Variants in GAL3ST2 observed in about 807,000 individuals in gnomAD.
The protein encoded by GAL3ST2 is beta-galactose-3-O-sulfotransferase 2.
In GAL3ST2, 16 loss-of-function variants were observed where a neutral mutation model predicts 12.9. That is an observed-to-expected ratio of 1.24 (90% CI 0.84 to 1.88). GAL3ST2 has a LOEUF of 1.88. Ranked by LOEUF, GAL3ST2 falls within the 40% of genes most tolerant of loss-of-function variation. The pLI is 0.00. For missense variants in GAL3ST2, 639 were observed against 571.8 expected, an observed-to-expected ratio of 1.12 and a Z score of -1.20; for synonymous variants, 302 against 273.9, an observed-to-expected ratio of 1.10 and a Z score of -1.01.
intron 1 of GAL3ST2, among the ~76,000 whole-genome samples, chr2:241,781,730 T>A (rs1699569896): frequency 1.3e-5 from 2 of 152,382 alleles, no homozygotes; most frequent in East Asian, 3.9e-4. Flanking sequence ...ATGCTTCCTG[T>A]ATAACTTTTA....
intron 1 of GAL3ST2, among the ~76,000 whole-genome samples, chr2:241,787,474 A>G (rs1391482302): frequency 6.6e-6 from 1 of 151,736 alleles, no homozygotes; most frequent in African/African-American, 2.4e-5. Flanking sequence ...CACCCCCTCC[A>G]GAGACTCCCT....
At chr2:241,797,815 T>G (rs1248017648) in intron 1 of GAL3ST2, among the ~76,000 whole-genome samples, 1 of 152,182 alleles carries the variant, frequency 6.6e-6, no homozygotes, top group Non-Finnish European at 1.5e-5. Flanking sequence ...TGGTTACAAT[T>G]CCTCCTTCCC....
chr2:241,776,997 G>T lies in GAL3ST2; in HGVS notation c.29+13G>T. ...GCGGCTTGCAGAGGTAAGGGGGGCA[G>T]TTGGACCCCCCAGGTGGACAAAGCG... On this transcript the variant is annotated intron_variant, in intron 1 of 3. Coordinates refer to ENST00000192314, the MANE Select transcript of GAL3ST2 (RefSeq NM_022134.3). 2 of 1,521,184 alleles carry T rather than the reference G, an allele frequency of 1.3e-6. No individual in the cohort carries two copies. Among genetic ancestry groups the T allele is most frequent in the South Asian group, 1.3e-5 (1 of 79,146 alleles). 94.2% of individuals were successfully genotyped at this position (1,521,184 alleles called of 1,614,324 possible). A position where few individuals can be genotyped will look rare whatever the true frequency, so the allele number is the denominator to read the frequency against.
intron 1 of GAL3ST2, among the ~76,000 whole-genome samples, chr2:241,798,469 G>A (rs1699801977): frequency 6.6e-6 from 1 of 152,156 alleles, no homozygotes; most frequent in Non-Finnish European, 1.5e-5. Context: ...GCGAGGGTGG[G>A]GAGTGGAAGC....
intron 1 of GAL3ST2, among the ~76,000 whole-genome samples, chr2:241,785,820 C>G (rs921993029): frequency 6.6e-6 from 1 of 151,994 alleles, no homozygotes; most frequent in Non-Finnish European, 1.5e-5. Context: ...AGACAAAAAA[C>G]CCAAAAACAT....
Position 241,803,961 on chromosome 2 carries a change from A to C in GAL3ST2, c.992A>C (p.His331Pro), listed in dbSNP as rs1455726008. 2.0e-6 allele frequency: 3 copies of C among 1,512,708 alleles called. No individual in the cohort carries two copies. In the East Asian group the frequency reaches 8.3e-5, roughly 42 times the overall value. 93.7% of individuals were successfully genotyped at this position (1,512,708 alleles called of 1,614,324 possible). A position where few individuals can be genotyped will look rare whatever the true frequency, so the allele number is the denominator to read the frequency against. The part of the protein sequence containing the change: ...CLQDGGALKN[H>P]TQIRDPRLRP... ...CAGGACGGCGGCGCGCTCAAGAACC[A>C]CACGCAGATCAGAGACCCGCGCCTG... Residue 331 changes from histidine (H) to proline (P), a missense_variant, in exon 4 of 4, where the codon CAC (histidine) becomes CCC (proline). By Grantham distance (77) the His-to-Pro change is moderately conservative. Transcript: ENST00000192314.
rs1180934646 is a variant in GAL3ST2, at chr2:241,803,678, C to T, written c.709C>T (p.Leu237=). The T allele has an allele frequency of 6.5e-7, 1 of 1,546,970 alleles. No homozygotes were observed. Among genetic ancestry groups the T allele is most frequent in the African/African-American group, 1.4e-5 (1 of 72,832 alleles). The change falls in exon 4 of 4, where the codon CTG becomes TTG. Residue 237 remains leucine, a synonymous_variant. Coordinates refer to ENST00000192314, the MANE Select transcript of GAL3ST2 (RefSeq NM_022134.3). ...GCACCTGGACGAGTCCCTGGTGCTG[C>T]TGCGGCGCCGGCTGCGCTGGGCGCT... The part of the protein sequence containing the change: ...AEHLDESLVL[L]RRRLRWALDD...
Position 241,804,235 on chromosome 2 carries a change from G to T in GAL3ST2, c.*69G>T. ...TCTCTCCGCCGTCACCGGGGAGGCC[G>T]GGGATCCTTGCAGGGCTTCTGGGGC... On this transcript the variant is annotated 3_prime_UTR_variant, in exon 4 of 4. Transcript: ENST00000192314. The T allele has an allele frequency of 2.3e-6, 3 of 1,306,630 alleles. No individual in the cohort carries two copies. The highest frequency in any genetic ancestry group is 3.0e-6 in the Non-Finnish European group (3 of 1,001,164). The allele number at this position is 1,306,630 out of a possible 1,614,324, so 80.9% of individuals were successfully genotyped here.
Position 241,801,337 on chromosome 2 carries a change from C to CGT in GAL3ST2, c.120-444_120-443insGT. On this transcript the variant is annotated intron_variant, in intron 2 of 3. Coordinates refer to ENST00000192314, the MANE Select transcript of GAL3ST2 (RefSeq NM_022134.3). The surrounding 1 kb of genome is among the most constrained non-coding windows in gnomAD (Gnocchi z 4.4). ...ACAGTATTCCGTGGTGTAGATGTGC[C>CGT]ACATTTTCTTTACGGTCTCTATGTA... 1 of 165,032 alleles carries CGT rather than the reference C, an allele frequency of 6.1e-6. No individual in the cohort carries two copies. Among genetic ancestry groups the CGT allele is most frequent in the Non-Finnish European group, 1.3e-5 (1 of 77,362 alleles). The allele number at this position is 165,032 out of a possible 1,614,324, so 10.2% of individuals were successfully genotyped here. A position where few individuals can be genotyped will look rare whatever the true frequency, so the allele number is the denominator to read the frequency against.
At position 241,793,810 on chromosome 2, in the gene GAL3ST2, G is replaced by C. The variant is rs1156732438; in HGVS notation, c.30-5255G>C. The stretch of plus-strand genomic sequence containing the variant: ...GTGTGTGTATTGTGTGTGTATGTTT[G>C]TGTGTGTGTTTAATCCTGGAGTGTA... On this transcript the variant is annotated intron_variant, in intron 1 of 3. Coordinates refer to ENST00000192314, the MANE Select transcript of GAL3ST2 (RefSeq NM_022134.3). The surrounding 1 kb of genome is among the most constrained non-coding windows in gnomAD (Gnocchi z 4.7). Among the ~76,000 whole-genome samples, 1 of 152,068 alleles carries C rather than the reference G, an allele frequency of 6.6e-6. No individual in the cohort carries two copies. The highest frequency in any genetic ancestry group is 1.5e-5 in the Non-Finnish European group (1 of 67,984).
chr2:241,801,837 C>T lies in GAL3ST2; in HGVS notation c.176C>T (p.Thr59Met), dbSNP rs141048050. Residue 59 changes from threonine to methionine, a missense_variant, in exon 3 of 4, where the codon ACG becomes ATG. By Grantham distance (81) the Thr-to-Met change is moderately conservative. Transcript: ENST00000192314. The surrounding 1 kb of genome is among the most constrained non-coding windows in gnomAD (Gnocchi z 4.4). ...PPVTNIMFLK[T>M]HKTASSTVLN... ...GTCACCAACATCATGTTCCTGAAGA[C>T]GCACAAGACGGCCAGCAGCACGGTG... The T allele has an allele frequency of 9.9e-6, 16 of 1,612,844 alleles. No individual in the cohort carries two copies. The highest frequency in any genetic ancestry group is 1.3e-5 in the Non-Finnish European group (15 of 1,179,970).
At chr2:241,780,716 T>G (rs1387785886) in intron 1 of GAL3ST2, among the ~76,000 whole-genome samples, 1 of 152,212 alleles carries the variant, frequency 6.6e-6, no homozygotes, top group Admixed American at 6.5e-5. Context: ...ATAGGAGGAA[T>G]CTCAGATAAG....
chr2:241,787,701 T>G (rs1372004554), intron 1 of GAL3ST2, among the ~76,000 whole-genome samples: 1 of 152,098 alleles, frequency 6.6e-6, no homozygotes, highest in Non-Finnish European at 1.5e-5. Context: ...TAGAGAGCTG[T>G]TTTCAACCTG....
rs556776890 is a variant in GAL3ST2 at position 241,795,704 on chromosome 2, T to C, written c.30-3361T>C. On this transcript the variant is annotated intron_variant, in intron 1 of 3. Coordinates refer to ENST00000192314, the MANE Select transcript of GAL3ST2 (RefSeq NM_022134.3). The surrounding 1 kb of genome is among the most constrained non-coding windows in gnomAD (Gnocchi z 4.5). ...CCCAATGGCAGAGCAGGAGCTCCGC[T>C]CTCAGTGTGGGGCCTCGTTTGGGTT... 2.0e-5 allele frequency among the ~76,000 whole-genome samples: 3 copies of C among 152,360 alleles called. No individual in the cohort carries two copies. The South Asian group carries it at 6.2e-4, about 32-fold the overall frequency.
intron 3 of GAL3ST2, among the ~76,000 whole-genome samples, chr2:241,803,106 C>T (rs897214758): frequency 1.2e-4 from 18 of 152,340 alleles, no homozygotes; most frequent in African/African-American, 4.3e-4. Context: ...CCCTTCCTGG[C>T]GTCCTTGGCC....
chr2:241,802,168 G>C lies in GAL3ST2; in HGVS notation c.375+132G>C. On this transcript the variant is annotated intron_variant, in intron 3 of 3. Coordinates refer to ENST00000192314, the MANE Select transcript of GAL3ST2 (RefSeq NM_022134.3). This position sits in a 1 kb window ranked among gnomAD's most constrained non-coding sequence, Gnocchi z 4.8. Reference sequence around the variant, plus strand: ...GCGGGGCGTGCAGAAGGCGGGTTGGGAGGGCCTGGGCCGCACGCCCTGCTG... The same window carrying C: ...GCGGGGCGTGCAGAAGGCGGGTTGGCAGGGCCTGGGCCGCACGCCCTGCTG... 2.6e-6 allele frequency: 3 copies of C among 1,132,454 alleles called. No homozygotes were observed. Among genetic ancestry groups the C allele is most frequent in the South Asian group, 1.6e-5 (1 of 63,828 alleles). The allele number at this position is 1,132,454 out of a possible 1,614,324, so 70.2% of individuals were successfully genotyped here.
chr2:241,803,809 G>C lies in GAL3ST2; in HGVS notation c.840G>C (p.Trp280Cys). 1 of 1,496,452 alleles carries C rather than the reference G, an allele frequency of 6.7e-7. No individual in the cohort carries two copies. The highest frequency in any genetic ancestry group is 8.8e-7 in the Non-Finnish European group (1 of 1,130,984). The allele number at this position is 1,496,452 out of a possible 1,614,324, so 92.7% of individuals were successfully genotyped here. A position where few individuals can be genotyped will look rare whatever the true frequency, so the allele number is the denominator to read the frequency against. ...CGCGGAGCTGGTGCGCGCTGGACTGGCGCCTGTACGAGCATTTCAACCGCA... is the reference window on the plus strand; with the variant it reads ...CGCGGAGCTGGTGCGCGCTGGACTGCCGCCTGTACGAGCATTTCAACCGCA... ...ERARSWCALD[W>C]RLYEHFNRTL... is the part of the protein sequence containing the mutation. Residue 280 changes from tryptophan to cysteine, a missense_variant, in exon 4 of 4, where the codon TGG becomes TGC. Transcript: ENST00000192314.
At chr2:241,794,071 T>C (rs28433874) in intron 1 of GAL3ST2, among the ~76,000 whole-genome samples, 54,808 of 151,864 alleles carry the variant, frequency 0.36, 12,427 homozygotes, top group African/African-American at 0.65. Context: ...ATCAGCCTCT[T>C]AAGTAGCTGG....
At position 241,803,641 on chromosome 2, in the gene GAL3ST2, G is replaced by T. The variant is rs1282096821; in HGVS notation, c.672G>T (p.Val224=). ...AGGTGGAGCGGCGCTTCCGGCTGGTGCTCATCGCCGAGCACCTGGACGAGT... is the reference window on the plus strand; with the variant it reads ...AGGTGGAGCGGCGCTTCCGGCTGGTTCTCATCGCCGAGCACCTGGACGAGT... The part of the protein sequence containing the change: ...IAEVERRFRL[V]LIAEHLDESL... Residue 224 remains valine (V), a synonymous_variant, in exon 4 of 4, where the codon GTG becomes GTT. Coordinates refer to ENST00000192314, the MANE Select transcript of GAL3ST2 (RefSeq NM_022134.3). 6.4e-7 allele frequency: 1 copy of T among 1,551,700 alleles called. No individual in the cohort carries two copies. The highest frequency in any genetic ancestry group is 8.7e-7 in the Non-Finnish European group (1 of 1,147,290).
Sources: allele counts gnomAD v4.1 joint callset (sites outside exome capture counted in the v4.1 genomes callset), GRCh38; gene constraint gnomAD v4.1.1; non-coding constraint Gnocchi (gnomAD v3.1); transcripts MANE v1.5; gene names NCBI Gene and HGNC (gene_info 2026-07-23, HGNC 2026-07-21).